Variants in PSPH observed in about 807,000 individuals in gnomAD.
PSPH encodes the protein phosphoserine phosphatase, also known as L-3-phosphoserine phosphatase.
Under a neutral mutation model 23.4 loss-of-function variants are expected in PSPH, and 16 were observed. The ratio of observed to expected loss-of-function variants is 0.68; its 90% confidence interval spans 0.46 to 1.04. PSPH has a LOEUF of 1.04. Among genes scored for constraint, PSPH ranks in the 50% least tolerant of loss-of-function variants. PSPH has a pLI of 0.00. For missense variants in PSPH, 223 were observed against 273.7 expected (o/e 0.81, Z 1.31); for synonymous variants, 68 against 99.7 (o/e 0.68, Z 1.89).
intron 6 of PSPH, among the ~76,000 whole-genome samples, chr7:56,016,915 T>C (rs1384977808): frequency 1.3e-5 from 2 of 152,124 alleles, no homozygotes; most frequent in Non-Finnish European, 2.9e-5. Flanking sequence ...TTCAAATGCA[T>C]AGAAGCTCCC....
intron 1 of PSPH, among the ~76,000 whole-genome samples, chr7:56,045,137 G>T (rs1320895764): frequency 2.6e-5 from 4 of 151,034 alleles, no homozygotes; most frequent in African/African-American, 7.3e-5. Context: ...CATTCAGTCA[G>T]TCATTCATGG....
chr7:56,049,518 A>AG (rs1793708359), intron 1 of PSPH, among the ~76,000 whole-genome samples: 2 of 151,932 alleles, frequency 1.3e-5, no homozygotes, highest in Admixed American at 1.3e-4. Flanking sequence ...CGCTCACTGC[A>AG]ATCTCCAACT....
intron 6 of PSPH, 23 bp downstream of exon 6, chr7:56,017,211 A>T (rs762718775): frequency 6.2e-7 from 1 of 1,613,800 alleles, no homozygotes; most frequent in Non-Finnish European, 8.5e-7. Flanking sequence ...AAGAAAGGGA[A>T]CATGTTACTG....
intron 1 of PSPH, among the ~76,000 whole-genome samples, chr7:56,049,145 C>G (rs1793638887): frequency 6.6e-6 from 1 of 151,270 alleles, no homozygotes; most frequent in Non-Finnish European, 1.5e-5. Flanking sequence ...AGGATAGTGT[C>G]GATCTCCTGA....
Position 56,015,069 on chromosome 7 carries a change from A to G in PSPH, c.524T>C (p.Ile175Thr). Residue 175 changes from isoleucine to threonine, a missense_variant, in exon 7 of 8, where the codon ATC (isoleucine) becomes ACC (threonine). Physicochemically the swap from Ile to Thr is moderately conservative, Grantham distance 89. Coordinates refer to ENST00000275605, the MANE Select transcript of PSPH (RefSeq NM_004577.4). Reference sequence around the variant, plus strand: ...ATCTGTGGCACCATCTCCAATCATGATTATTTTCTTAAAATGAAATTTTTC... The same window carrying G: ...ATCTGTGGCACCATCTCCAATCATGGTTATTTTCTTAAAATGAAATTTTTC... ...LKEKFHFKKIIMIGDGATDME... is the reference protein window; with the variant it reads ...LKEKFHFKKITMIGDGATDME... 1 of 1,614,144 alleles carries G rather than the reference A, an allele frequency of 6.2e-7. No homozygotes were observed. Among genetic ancestry groups the G allele is most frequent in the Non-Finnish European group, 8.5e-7 (1 of 1,180,002 alleles).
chr7:56,026,813 A>G (rs934609504), intron 3 of PSPH, among the ~76,000 whole-genome samples: 1 of 152,186 alleles, frequency 6.6e-6, no homozygotes, highest in African/African-American at 2.4e-5. Flanking sequence ...AGAATGGAGA[A>G]TGAACCATAG....
chr7:56,043,497 A>T (rs1209755141), intron 1 of PSPH, among the ~76,000 whole-genome samples: 1 of 151,660 alleles, frequency 6.6e-6, no homozygotes, highest in Non-Finnish European at 1.5e-5. Context: ...TCTAAAAATA[A>T]ATAAATAAAT....
At chr7:56,014,094 A>C (rs1788287760) in intron 7 of PSPH, among the ~76,000 whole-genome samples, 1 of 152,206 alleles carries the variant, frequency 6.6e-6, no homozygotes, top group Admixed American at 6.6e-5. Flanking sequence ...ACACCACTGC[A>C]CTCCAGCCTG....
chr7:56,039,693 T>C (rs530705876), intron 1 of PSPH, among the ~76,000 whole-genome samples: 1 of 148,734 alleles, frequency 6.7e-6, no homozygotes, highest in East Asian at 2.0e-4. Flanking sequence ...GGGAAATCGC[T>C]TGAACCCAGG....
At chr7:56,029,712 G>A (rs2116873798) in intron 3 of PSPH, among the ~76,000 whole-genome samples, 1 of 152,176 alleles carries the variant, frequency 6.6e-6, no homozygotes, top group East Asian at 1.9e-4. Flanking sequence ...TGTTAGGACT[G>A]ACCTCTTATC....
intron 7 of PSPH, among the ~76,000 whole-genome samples, chr7:56,013,930 C>A (rs1788262301): frequency 6.6e-6 from 1 of 151,982 alleles, no homozygotes; most frequent in Non-Finnish European, 1.5e-5. Flanking sequence ...GAATTTGAGA[C>A]CAGCCTGGGA....
chr7:56,013,076 T>C (rs1788115862), intron 7 of PSPH, among the ~76,000 whole-genome samples: 1 of 82,794 alleles, frequency 1.2e-5, no homozygotes, highest in South Asian at 3.2e-4. Context: ...TATGTATATA[T>C]TTATATACAC....
At chr7:56,038,879 C>T (rs1792096453) in intron 1 of PSPH, among the ~76,000 whole-genome samples, 1 of 151,912 alleles carries the variant, frequency 6.6e-6, no homozygotes, top group South Asian at 2.1e-4. Flanking sequence ...TGCAGTGGCT[C>T]ACACCTGTAA....
chr7:56,014,939 G>A (rs964094351), intron 7 of PSPH, 84 bp downstream of exon 7: 128 of 1,357,062 alleles, frequency 9.4e-5, no homozygotes, highest in Non-Finnish European at 8.8e-5. Context: ...GTGAAACTCC[G>A]TCTCAAAAAA....
chr7:56,033,547 ATATAT>A (rs1791326603), intron 2 of PSPH: 1 of 151,472 alleles, frequency 6.6e-6, no homozygotes, highest in African/African-American at 2.4e-5. Context: ...AATATAATAA[ATATAT>A]TTAATGAATG....
rs150929543 is a variant in PSPH at position 56,019,608 on chromosome 7, G to A, written c.267C>T (p.Pro89=). Residue 89 remains proline, a synonymous_variant, in exon 5 of 8, where the codon CCC becomes CCT. Coordinates refer to ENST00000275605, the MANE Select transcript of PSPH (RefSeq NM_004577.4). Reference sequence around the variant, plus strand: ...GCCGGGGTTCCTCTTACCTTATGCCGGGGGTCAGGTGTGGGGGTTGCTCTG... The same window carrying A: ...GCCGGGGTTCCTCTTACCTTATGCCAGGGGTCAGGTGTGGGGGTTGCTCTG... ...LIAEQPPHLT[P]GIRELVSRLQ... is the part of the protein sequence containing the mutation. 2.5e-5 allele frequency: 41 copies of A among 1,612,062 alleles called. No individual in the cohort carries two copies. Among genetic ancestry groups the A allele is most frequent in the South Asian group, 5.5e-5 (5 of 91,030 alleles).
At chr7:56,020,976 G>A in intron 4 of PSPH, 97 bp downstream of exon 4, 1 of 1,432,608 alleles carries the variant, frequency 7.0e-7, no homozygotes, top group African/African-American at 1.4e-5. Context: ...AAAGCCTAGT[G>A]CAAATGTTCC....
intron 1 of PSPH, among the ~76,000 whole-genome samples, chr7:56,035,269 TG>T (rs1328331009): frequency 1.3e-5 from 2 of 150,438 alleles, no homozygotes; most frequent in Non-Finnish European, 3.0e-5. Context: ...TGAACCCGGG[TG>T]GGGGGAGGAG....
chr7:56,021,912 T>C (rs1320622731), intron 3 of PSPH, among the ~76,000 whole-genome samples: 1 of 135,244 alleles, frequency 7.4e-6, no homozygotes, highest in Admixed American at 8.6e-5. Context: ...ATCGCGCCAC[T>C]GCACTCCAGC....
Sources: allele counts gnomAD v4.1 joint callset (sites outside exome capture counted in the v4.1 genomes callset), GRCh38; gene constraint gnomAD v4.1.1; transcripts MANE v1.5; gene names NCBI Gene and HGNC (gene_info 2026-07-23, HGNC 2026-07-21).